STX8: variants seen among roughly 807,000 people sequenced by gnomAD.
The protein encoded by STX8 is syntaxin-8.
Under a neutral mutation model 37.5 loss-of-function variants are expected in STX8, and 23 were observed. That is an observed-to-expected ratio of 0.61 (90% CI 0.44 to 0.87). The LOEUF is 0.87. Ranked by LOEUF, STX8 falls within the 40% of genes least tolerant of loss-of-function variation. The probability of loss-of-function intolerance (pLI) is 0.00; values close to 1 mark genes in which losing one functional copy is unlikely to be tolerated. For synonymous variants in STX8, 115 were observed against 99.1 expected, an observed-to-expected ratio of 1.16 and a Z score of -0.95; for missense variants, 313 against 284.7, an observed-to-expected ratio of 1.10 and a Z score of -0.71.
intron 6 of STX8, among the ~76,000 whole-genome samples, chr17:9,455,934 G>C (rs555441195): frequency 9.9e-5 from 15 of 152,174 alleles, no homozygotes; most frequent in African/African-American, 3.4e-4. Context: ...ATATGCAAAG[G>C]CATATCAACA....
intron 7 of STX8, among the ~76,000 whole-genome samples, chr17:9,298,580 G>C (rs1244313863): frequency 6.6e-6 from 1 of 152,204 alleles, no homozygotes; most frequent in African/African-American, 2.4e-5. Flanking sequence ...GGGAGGCCAA[G>C]GTGGGTAGAT....
chr17:9,446,140 T>C (rs1394369813), intron 6 of STX8, among the ~76,000 whole-genome samples: 1 of 152,118 alleles, frequency 6.6e-6, no homozygotes, highest in African/African-American at 2.4e-5. Context: ...GTGGCCTCCT[T>C]AAAAAATATT....
At chr17:9,280,623 C>A (rs994121434) in intron 7 of STX8, among the ~76,000 whole-genome samples, 1 of 152,162 alleles carries the variant, frequency 6.6e-6, no homozygotes, top group Non-Finnish European at 1.5e-5. Flanking sequence ...GACAGAACGA[C>A]TTTTTGAAAA....
intron 4 of STX8, among the ~76,000 whole-genome samples, chr17:9,531,399 A>T (rs1418630204): frequency 6.6e-6 from 1 of 152,188 alleles, no homozygotes. Flanking sequence ...TACAATATTG[A>T]GTCTCCCAAT....
intron 7 of STX8, among the ~76,000 whole-genome samples, chr17:9,354,177 A>T (rs898547070): frequency 6.6e-6 from 1 of 152,146 alleles, no homozygotes; most frequent in Non-Finnish European, 1.5e-5. Flanking sequence ...TCTACCCTAT[A>T]GTTGAATCAT....
chr17:9,250,499 C>T lies in STX8; in HGVS notation c.*79G>A. On this transcript the variant is annotated 3_prime_UTR_variant, in exon 8 of 8. Coordinates refer to ENST00000306357, the MANE Select transcript of STX8 (RefSeq NM_004853.3). ...GAGCTTTGGGGGAATTTATTGAGAG[C>T]AGGTTTTGCGTACCAAAAGGGTGTT... is the stretch of plus-strand genomic sequence containing the variant. 7.8e-7 allele frequency: 1 copy of T among 1,277,628 alleles called. No homozygotes were observed. The highest frequency in any genetic ancestry group is 1.3e-5 in the South Asian group (1 of 78,704). The allele number at this position is 1,277,628 out of a possible 1,614,324, so 79.1% of individuals were successfully genotyped here. A position where few individuals can be genotyped will look rare whatever the true frequency, so the allele number is the denominator to read the frequency against.
intron 7 of STX8, among the ~76,000 whole-genome samples, chr17:9,294,626 G>C (rs1179954248): frequency 2.6e-5 from 4 of 152,230 alleles, no homozygotes; most frequent in Non-Finnish European, 5.9e-5. Context: ...GGTGTGTGCA[G>C]AGGAGGGTAC....
chr17:9,427,013 G>A (rs1213386485), intron 6 of STX8, among the ~76,000 whole-genome samples: 1 of 152,028 alleles, frequency 6.6e-6, no homozygotes, highest in Non-Finnish European at 1.5e-5. Flanking sequence ...GAATTTCTGT[G>A]ATTTTTATAA....
chr17:9,444,023 T>C (rs1432461743), intron 6 of STX8, among the ~76,000 whole-genome samples: 2 of 152,166 alleles, frequency 1.3e-5, no homozygotes, highest in African/African-American at 4.8e-5. Flanking sequence ...TTCATACCTA[T>C]CCAGAACATA....
chr17:9,545,238 A>G lies in STX8; in HGVS notation c.257T>C (p.Leu86Pro), dbSNP rs753487876. 6.2e-7 allele frequency: 1 copy of G among 1,614,194 alleles called. No individual in the cohort carries two copies. The highest frequency in any genetic ancestry group is 1.1e-5 in the South Asian group (1 of 91,086). The change falls in exon 4 of 8, where the codon CTT becomes CCT. Residue 86 changes from leucine (L) to proline (P), a missense_variant. Physicochemically the swap from Leu to Pro is moderately conservative, Grantham distance 98. Transcript: ENST00000306357. ...GDRRQNLLDD[L>P]VTRERLLLAS... is the part of the protein sequence containing the mutation. ...CAGAAGTAGTCTCTCTCGAGTTACA[A>G]GATCATCCAAGAGGTTCTGTCTTCG...
chr17:9,544,993 TCAAA>T (rs541144064), intron 4 of STX8, among the ~76,000 whole-genome samples, 175 bp downstream of exon 4: 12 of 152,056 alleles, frequency 7.9e-5, no homozygotes, highest in Admixed American at 6.6e-5. Flanking sequence ...AGACTCTGTC[TCAAA>T]CAAACAAACA....
chr17:9,442,760 T>C (rs866027558), intron 6 of STX8, among the ~76,000 whole-genome samples: 2 of 152,052 alleles, frequency 1.3e-5, no homozygotes, highest in Non-Finnish European at 2.9e-5. Flanking sequence ...AAGAAGTGAA[T>C]AGTGGAGGTC....
intron 7 of STX8, among the ~76,000 whole-genome samples, chr17:9,342,895 C>A (rs1375998572): frequency 1.3e-5 from 2 of 151,962 alleles, no homozygotes; most frequent in East Asian, 3.9e-4. Context: ...GTGGTACGTG[C>A]CTGTAGTCCC....
intron 4 of STX8, among the ~76,000 whole-genome samples, chr17:9,514,735 T>G (rs1905117642): frequency 6.6e-6 from 1 of 152,206 alleles, no homozygotes; most frequent in Non-Finnish European, 1.5e-5. Flanking sequence ...ATATATTCAC[T>G]CATATCTCCA....
At chr17:9,298,188 G>C (rs1908635821) in intron 7 of STX8, among the ~76,000 whole-genome samples, 1 of 152,158 alleles carries the variant, frequency 6.6e-6, no homozygotes, top group South Asian at 2.1e-4. Context: ...GAGCATGGAT[G>C]AACTGATGGG....
chr17:9,546,034 TG>T (rs771934021), intron 3 of STX8, among the ~76,000 whole-genome samples: 2 of 152,138 alleles, frequency 1.3e-5, no homozygotes, highest in African/African-American at 2.4e-5. Flanking sequence ...GTGGGGGCGC[TG>T]GGGGAGAGAA....
chr17:9,544,370 G>C (rs192357644), intron 4 of STX8, among the ~76,000 whole-genome samples: 3 of 152,220 alleles, frequency 2.0e-5, no homozygotes, highest in East Asian at 1.9e-4. Context: ...CAGCAGAACC[G>C]GGCTCAGAGC....
chr17:9,356,979 T>TC, intron 7 of STX8, among the ~76,000 whole-genome samples: 1 of 147,846 alleles, frequency 6.8e-6, no homozygotes, highest in Admixed American at 6.8e-5. Flanking sequence ...TTTTTTTTTT[T>TC]TTTTTTTAGG....
chr17:9,505,021 C>G lies in STX8; in HGVS notation c.448+17G>C. ...TGGCAAGGTTTCTGAGCCCACACTC[C>G]TCAGGATATTTAGTACCTTGGATAA... On this transcript the variant is annotated intron_variant, in intron 5 of 7. Transcript: ENST00000306357. 1 of 1,583,546 alleles carries G rather than the reference C, an allele frequency of 6.3e-7. No individual in the cohort carries two copies. The highest frequency in any genetic ancestry group is 8.6e-7 in the Non-Finnish European group (1 of 1,160,476).
Sources: gnomAD v4.1 joint callset for allele counts (sites outside exome capture counted in the v4.1 genomes callset) on GRCh38, gnomAD v4.1.1 for gene constraint, MANE v1.5 for transcripts, NCBI Gene and HGNC (gene_info 2026-07-23, HGNC 2026-07-21) for gene names.